The following MLPH variants were observed in gnomAD, a reference collection of about 807,000 sequenced individuals.
The protein encoded by MLPH is melanophilin, also known as exophilin-3.
MLPH carries 51 observed loss-of-function variants against 72.1 expected under a neutral mutation model. That is an observed-to-expected ratio of 0.71 (90% CI 0.56 to 0.89). MLPH has a LOEUF of 0.89. Ranked by LOEUF, MLPH falls within the 40% of genes least tolerant of loss-of-function variation. The pLI is 0.00. For synonymous variants in MLPH, 301 were observed against 310.1 expected, an observed-to-expected ratio of 0.97 and a Z score of 0.31; for missense variants, 743 against 759.9, an observed-to-expected ratio of 0.98 and a Z score of 0.26.
chr2:237,507,791 G>C (rs1487260809), intron 2 of MLPH, among the ~76,000 whole-genome samples: 1 of 152,174 alleles, frequency 6.6e-6, no homozygotes, highest in African/African-American at 2.4e-5. Flanking sequence ...CTTGAAGTGA[G>C]AGTCGCACTT....
intron 1 of MLPH, among the ~76,000 whole-genome samples, chr2:237,489,318 G>A (rs2079382301): frequency 6.6e-6 from 1 of 152,246 alleles, no homozygotes; most frequent in East Asian, 1.9e-4. Flanking sequence ...TGGCAAGTTG[G>A]TGGGCAGGTG....
In MLPH at chr2:237,525,767, G is replaced by A. The variant is rs530272383; in HGVS notation, c.842G>A (p.Gly281Asp). Reference sequence around the variant, plus strand: ...CTGGCTGAGCTCTGCCCGCCTGGAGGCTCCCACAGGATGGCCCTGGGGACT... The same window carrying A: ...CTGGCTGAGCTCTGCCCGCCTGGAGACTCCCACAGGATGGCCCTGGGGACT... ...GALAELCPPG[G>D]SHRMALGTAA... The change falls in exon 7 of 16, where the codon GGC (glycine) becomes GAC (aspartate). Residue 281 changes from glycine (G) to aspartate (D), a missense_variant. Physicochemically the swap from Gly to Asp is moderately conservative, Grantham distance 94. Coordinates refer to ENST00000264605, the MANE Select transcript of MLPH (RefSeq NM_024101.7). 1 of 1,613,666 alleles carries A rather than the reference G, an allele frequency of 6.2e-7. No individual in the cohort carries two copies. The highest frequency in any genetic ancestry group is 1.1e-5 in the South Asian group (1 of 91,080).
At chr2:237,503,175 G>A (rs563508187) in intron 2 of MLPH, among the ~76,000 whole-genome samples, 5 of 152,250 alleles carry the variant, frequency 3.3e-5, no homozygotes, top group Admixed American at 3.3e-4. Flanking sequence ...TAAGGAATTT[G>A]AAATCACCCT....
At chr2:237,542,516 G>A (rs368148035) in intron 11 of MLPH, 51 bp from the exon 12 acceptor site, 396 of 1,426,344 alleles carry the variant, frequency 2.8e-4, no homozygotes, top group Non-Finnish European at 3.5e-4. Flanking sequence ...ACTTTGAGGC[G>A]GGATCTCGAG....
intron 15 of MLPH, 33 bp from the exon 16 acceptor site, chr2:237,553,533 G>A (rs1463067966): frequency 6.2e-7 from 1 of 1,607,920 alleles, no homozygotes; most frequent in South Asian, 1.1e-5. Flanking sequence ...GTATGTGTGT[G>A]CTTATATGTG....
intron 2 of MLPH, among the ~76,000 whole-genome samples, chr2:237,498,599 C>T (rs545087940): frequency 6.0e-4 from 91 of 152,308 alleles, no homozygotes; most frequent in African/African-American, 2.0e-3. Flanking sequence ...CATTCGGTGA[C>T]GCACACGCCT....
Position 237,541,003 on chromosome 2 carries a change from T to A in MLPH, c.1446+46T>A. 2 of 1,568,138 alleles carry A rather than the reference T, an allele frequency of 1.3e-6. No homozygotes were observed. Among genetic ancestry groups the A allele is most frequent in the Non-Finnish European group, 1.7e-6 (2 of 1,157,050 alleles). On this transcript the variant is annotated intron_variant, in intron 11 of 15. Coordinates refer to ENST00000264605, the MANE Select transcript of MLPH (RefSeq NM_024101.7). This position sits in a 1 kb window ranked among gnomAD's most constrained non-coding sequence, Gnocchi z 5.1. ...GAGCACTGAGTTCCACAAACACAGATGGTGACCACACCCAGGCCTTGAACA... is the reference window on the plus strand; with the variant it reads ...GAGCACTGAGTTCCACAAACACAGAAGGTGACCACACCCAGGCCTTGAACA...
At chr2:237,519,866 A>T in intron 5 of MLPH, 44 bp from the exon 6 acceptor site, 10 of 1,613,708 alleles carry the variant, frequency 6.2e-6, no homozygotes, top group Non-Finnish European at 8.5e-6. Flanking sequence ...CTCTCCCTCA[A>T]GCTAGCCCTG....
chr2:237,511,280 T>G, intron 4 of MLPH, 179 bp downstream of exon 4: 1 of 576,752 alleles, frequency 1.7e-6, no homozygotes, highest in Non-Finnish European at 3.1e-6. Flanking sequence ...TTTTTTTTTT[T>G]TTTTAATTTT....
intron 9 of MLPH, 122 bp downstream of exon 9, chr2:237,534,769 G>A (rs2080498257): frequency 1.2e-6 from 1 of 818,378 alleles, no homozygotes; most frequent in African/African-American, 1.7e-5. Flanking sequence ...GTAAGGTTAA[G>A]TTCTGTGTGT....
At chr2:237,501,039 C>A (rs1048682898) in intron 2 of MLPH, among the ~76,000 whole-genome samples, 1 of 152,098 alleles carries the variant, frequency 6.6e-6, no homozygotes, top group Non-Finnish European at 1.5e-5. Context: ...ATCACATTTA[C>A]GATGAAATTC....
At chr2:237,547,176 G>A (rs561893773) in intron 13 of MLPH, among the ~76,000 whole-genome samples, 1 of 152,354 alleles carries the variant, frequency 6.6e-6, no homozygotes, top group East Asian at 1.9e-4. Flanking sequence ...CGTGGCCTGG[G>A]GACTTCTTCC....
At chr2:237,516,874 TGGATGGATGGTA>T (rs1282433523) in intron 4 of MLPH, among the ~76,000 whole-genome samples, 49 of 144,874 alleles carry the variant, frequency 3.4e-4, no homozygotes, top group African/African-American at 6.8e-4. Context: ...GATGGATGGG[TGGATGGATGGTA>T]GGATGGATGG....
intron 6 of MLPH, among the ~76,000 whole-genome samples, chr2:237,524,556 G>T (rs1329503874): frequency 3.9e-5 from 6 of 152,016 alleles, no homozygotes; most frequent in Non-Finnish European, 8.8e-5. Flanking sequence ...ATTAGATGGT[G>T]CCCACTTGAT....
At chr2:237,497,576 A>G (rs183678349) in intron 2 of MLPH, among the ~76,000 whole-genome samples, 1 of 152,308 alleles carries the variant, frequency 6.6e-6, no homozygotes, top group Admixed American at 6.5e-5. Context: ...GGTGGTGTGG[A>G]CGCTGTGCAA....
intron 6 of MLPH, among the ~76,000 whole-genome samples, chr2:237,524,159 G>A (rs982124719): frequency 8.6e-5 from 13 of 151,722 alleles, no homozygotes; most frequent in South Asian, 4.2e-4. Flanking sequence ...ATTAAGTTGC[G>A]GGAGCCGAAA....
chr2:237,510,798 G>A lies in MLPH; in HGVS notation c.332+3G>A, dbSNP rs774084478. On this transcript the variant is annotated splice_donor_region_variant and intron_variant, in intron 3 of 15. Transcript: ENST00000264605. This position sits in a 1 kb window ranked among gnomAD's most constrained non-coding sequence, Gnocchi z 4.4. The stretch of plus-strand genomic sequence containing the variant: ...TGTGACCCCTGCCATCTGGCCAGGT[G>A]AGCCCAGGCCTTGAGGTAAAATGAC... 2.1e-5 allele frequency: 34 copies of A among 1,613,274 alleles called. No individual in the cohort carries two copies. The South Asian group carries it at 3.1e-4, about 15-fold the overall frequency.
intron 1 of MLPH, among the ~76,000 whole-genome samples, chr2:237,489,648 C>A (rs1393488866): frequency 2.0e-5 from 3 of 152,194 alleles, no homozygotes; most frequent in Non-Finnish European, 4.4e-5. Flanking sequence ...CACACCTTGG[C>A]TCTGAGTCAG....
chr2:237,525,644 A>C lies in MLPH; in HGVS notation c.719A>C (p.Lys240Thr), dbSNP rs1033573975. ...TGCTCAGAGAAGGCAGCCCCTCACA[A>C]GGCTGAGGGCCTGGAGGAGGCTGAT... ...ESCSEKAAPH[K>T]AEGLEEADTG... Residue 240 changes from lysine to threonine, a missense_variant, in exon 7 of 16, where the codon AAG (lysine) becomes ACG (threonine). Lys to Thr is a moderately conservative substitution (Grantham distance 78, BLOSUM62 -1). Transcript: ENST00000264605. The C allele has an allele frequency of 6.2e-7, 1 of 1,613,982 alleles. No homozygotes were observed. Among genetic ancestry groups the C allele is most frequent in the Non-Finnish European group, 8.5e-7 (1 of 1,180,040 alleles).
Sources: gnomAD v4.1 joint callset for allele counts (sites outside exome capture counted in the v4.1 genomes callset) on GRCh38, gnomAD v4.1.1 for gene constraint, Gnocchi (gnomAD v3.1) non-coding constraint, MANE v1.5 for transcripts, NCBI Gene and HGNC (gene_info 2026-07-23, HGNC 2026-07-21) for gene names.